The following BMPER variants were observed in gnomAD, a reference collection of about 807,000 sequenced individuals.
BMPER encodes the protein BMP-binding endothelial regulator protein.
A neutral mutation model predicts 87.3 loss-of-function variants in BMPER; 45 were observed. The ratio of observed to expected loss-of-function variants is 0.52; its 90% CI spans 0.41 to 0.66. The LOEUF (loss-of-function observed/expected upper bound fraction) is 0.66. Among genes scored for constraint, BMPER ranks in the 30% least tolerant of loss-of-function variants. The probability of loss-of-function intolerance (pLI) is 0.00; values close to 1 mark genes in which losing one functional copy is unlikely to be tolerated. For synonymous variants in BMPER, 326 were observed against 316.2 expected (o/e 1.03, Z -0.33); for missense variants, 784 against 867.5 (o/e 0.90, Z 1.21).
intron 2 of BMPER, among the ~76,000 whole-genome samples, chr7:33,909,693 A>AAAAAAAAAAAAAAAAAAAG (rs10655768): frequency 2.2e-5 from 3 of 138,918 alleles, no homozygotes; most frequent in Non-Finnish European, 4.6e-5. Flanking sequence ...AAAAAAAAAA[A>AAAAAAAAAAAAAAAAAAAG]AAAGAAAGAA....
chr7:33,927,439 G>A (rs1270631802), intron 2 of BMPER, among the ~76,000 whole-genome samples: 26 of 152,132 alleles, frequency 1.7e-4, no homozygotes, highest in Admixed American at 1.7e-3. Flanking sequence ...AAGATATTTT[G>A]TTTCTGTGAT....
At chr7:33,986,099 C>T (rs776592737) in intron 6 of BMPER, among the ~76,000 whole-genome samples, 1 of 152,196 alleles carries the variant, frequency 6.6e-6, no homozygotes, top group African/African-American at 2.4e-5. Context: ...TTTGAGATTG[C>T]GACCTTCTGT....
chr7:34,153,265 C>T lies in BMPER; in HGVS notation c.2050C>T (p.Gln684Ter). 6.2e-7 allele frequency: 1 copy of T among 1,613,984 alleles called. No homozygotes were observed. The highest frequency in any genetic ancestry group is 8.5e-7 in the Non-Finnish European group (1 of 1,179,948). The stretch of plus-strand genomic sequence containing the variant: ...GTGCATCAAGCCAGTCCTTTGTCCC[C>T]AGCGGTGACCTTTGTTTCGATCCTT... ...GRCIKPVLCP[Q>*]R Residue 684 changes from glutamine to a stop codon, truncating the protein, a stop_gained, in exon 15 of 15, where the codon CAG becomes TAG. Transcript: ENST00000649409. LOFTEE classifies it high-confidence loss of function.
At chr7:34,050,168 G>A (rs566425518) in intron 7 of BMPER, among the ~76,000 whole-genome samples, 8 of 152,300 alleles carry the variant, frequency 5.3e-5, no homozygotes, top group South Asian at 4.1e-4. Flanking sequence ...TAATACCTGC[G>A]TTAGTTGGGG....
At chr7:34,083,495 T>C (rs1292810291) in intron 12 of BMPER, among the ~76,000 whole-genome samples, 1 of 152,236 alleles carries the variant, frequency 6.6e-6, no homozygotes, top group African/African-American at 2.4e-5. Flanking sequence ...TTTCTATTTC[T>C]TCCATTGACC....
At chr7:34,092,933 A>C (rs1356166800) in intron 13 of BMPER, among the ~76,000 whole-genome samples, 1 of 152,218 alleles carries the variant, frequency 6.6e-6, no homozygotes, top group Non-Finnish European at 1.5e-5. Flanking sequence ...ATATCTTAAC[A>C]GATAGATTAA....
intron 3 of BMPER, among the ~76,000 whole-genome samples, chr7:33,941,864 G>A (rs750170316): frequency 2.0e-5 from 3 of 152,168 alleles, no homozygotes; most frequent in Non-Finnish European, 4.4e-5. Flanking sequence ...TTAACACATT[G>A]TAACAGGAGC....
intron 2 of BMPER, 75 bp from the exon 3 acceptor site, chr7:33,937,214 C>A: frequency 6.7e-7 from 1 of 1,485,340 alleles, no homozygotes; most frequent in Non-Finnish European, 9.4e-7. Context: ...GCTCGGGAAA[C>A]CTCTGTGGTG....
chr7:33,976,280 G>A (rs368903205), intron 6 of BMPER, among the ~76,000 whole-genome samples: 3 of 151,974 alleles, frequency 2.0e-5, no homozygotes, highest in Non-Finnish European at 4.4e-5. Flanking sequence ...AGCCTCCCAA[G>A]TAGCTGGGAT....
rs1301058726 is a variant in BMPER, at chr7:34,154,195, A to G, written c.*922A>G. On this transcript the variant is annotated 3_prime_UTR_variant, in exon 15 of 15. Coordinates refer to ENST00000649409, the MANE Select transcript of BMPER (RefSeq NM_001365308.1). Reference sequence around the variant, plus strand: ...TACATTTTGTGGCTATTTCATGTATAAAATGAAAGGCTTTAGTTATTTCTA... The same window carrying G: ...TACATTTTGTGGCTATTTCATGTATGAAATGAAAGGCTTTAGTTATTTCTA... 6.6e-6 allele frequency: 1 copy of G among 152,650 alleles called. No homozygotes were observed. Among genetic ancestry groups the G allele is most frequent in the Non-Finnish European group, 1.5e-5 (1 of 68,052 alleles). 9.5% of individuals were successfully genotyped at this position (152,650 alleles called of 1,614,324 possible). A position where few individuals can be genotyped will look rare whatever the true frequency, so the allele number is the denominator to read the frequency against.
intron 13 of BMPER, among the ~76,000 whole-genome samples, chr7:34,131,255 CCT>C (rs1790580918): frequency 6.6e-6 from 1 of 152,010 alleles, no homozygotes; most frequent in Non-Finnish European, 1.5e-5. Flanking sequence ...CGGGTAGCAC[CCT>C]GTTTAGGTCC....
intron 13 of BMPER, among the ~76,000 whole-genome samples, chr7:34,105,827 T>C (rs1789804037): frequency 1.3e-5 from 2 of 152,210 alleles, no homozygotes; most frequent in African/African-American, 2.4e-5. Context: ...ACAATGTTCA[T>C]TGATGCCCTT....
intron 5 of BMPER, among the ~76,000 whole-genome samples, chr7:33,971,971 C>T (rs1012524120): frequency 6.6e-6 from 1 of 151,398 alleles, no homozygotes; most frequent in Admixed American, 6.6e-5. Context: ...GGTGTGATCT[C>T]GGCTCACTGC....
chr7:33,991,368 T>C (rs1474381204), intron 6 of BMPER, among the ~76,000 whole-genome samples: 1 of 152,182 alleles, frequency 6.6e-6, no homozygotes, highest in Non-Finnish European at 1.5e-5. Context: ...TCCAGGAATT[T>C]ATCCATTTCT....
At chr7:34,023,643 A>G (rs1001583419) in intron 6 of BMPER, among the ~76,000 whole-genome samples, 4 of 152,090 alleles carry the variant, frequency 2.6e-5, no homozygotes, top group Admixed American at 2.0e-4. Flanking sequence ...AACTCCTATT[A>G]TAGAAATTTG....
At chr7:34,075,369 A>T (rs1446261251) in intron 11 of BMPER, among the ~76,000 whole-genome samples, 1 of 152,234 alleles carries the variant, frequency 6.6e-6, no homozygotes, top group Non-Finnish European at 1.5e-5. Context: ...AACAAGAAAG[A>T]GGAAAAGAAA....
At chr7:34,028,626 T>TTTTTTTTTTTC in intron 6 of BMPER, among the ~76,000 whole-genome samples, 1 of 132,018 alleles carries the variant, frequency 7.6e-6, no homozygotes, top group Non-Finnish European at 1.6e-5. Context: ...TTTTTTTTTT[T>TTTTTTTTTTTC]TTTTTTTGTA....
Position 34,065,199 on chromosome 7 carries a change from ACTCACTCTCTCTCT to A in BMPER, c.1078+3156_1078+3169del, listed in dbSNP as rs1212699143. ...CTCTCGGACACACACACACATACAC[ACTCACTCTCTCTCT>A]CTCTCTCTCTCTCTCTCTCTCTCTC... On this transcript the variant is annotated intron_variant, in intron 11 of 14. Coordinates refer to ENST00000649409, the MANE Select transcript of BMPER (RefSeq NM_001365308.1). Among the ~76,000 whole-genome samples, 55 of 94,164 alleles carry A rather than the reference ACTCACTCTCTCTCT, an allele frequency of 5.8e-4. 1 individual carries two copies. The highest frequency in any genetic ancestry group is 6.1e-3 in the Middle Eastern group (1 of 164). 61.8% of individuals were successfully genotyped at this position (94,164 alleles called of 152,430 possible). A position where few individuals can be genotyped will look rare whatever the true frequency, so the allele number is the denominator to read the frequency against.
chr7:34,017,526 C>T (rs768980961), intron 6 of BMPER, among the ~76,000 whole-genome samples: 2 of 151,838 alleles, frequency 1.3e-5, no homozygotes, highest in African/African-American at 4.8e-5. Context: ...AATTACCTAC[C>T]ACTGGGTCCC....
Sources: allele counts gnomAD v4.1 joint callset (sites outside exome capture counted in the v4.1 genomes callset), GRCh38; gene constraint gnomAD v4.1.1; transcripts MANE v1.5; gene names NCBI Gene and HGNC (gene_info 2026-07-23, HGNC 2026-07-21).